AKNAD1: variants seen among roughly 807,000 people sequenced by gnomAD.
The protein encoded by AKNAD1 is protein AKNAD1.
AKNAD1 carries 67 observed loss-of-function variants against 90.8 expected under a neutral mutation model. The ratio of observed to expected loss-of-function variants is 0.74; its 90% CI spans 0.61 to 0.90. The LOEUF is 0.90. Ranked by LOEUF, AKNAD1 falls within the 40% of genes least tolerant of loss-of-function variation. The probability of loss-of-function intolerance (pLI) is 0.00; values close to 1 mark genes in which losing one functional copy is unlikely to be tolerated. For synonymous variants in AKNAD1, 327 were observed against 341.4 expected, an observed-to-expected ratio of 0.96 and a Z score of 0.46; for missense variants, 957 against 975.4, an observed-to-expected ratio of 0.98 and a Z score of 0.25.
chr1:108,847,146 G>A (rs1664725499), intron 5 of AKNAD1, among the ~76,000 whole-genome samples: 1 of 151,994 alleles, frequency 6.6e-6, no homozygotes, highest in Admixed American at 6.6e-5. Flanking sequence ...CCATTTGTCA[G>A]CTTGAAAACC....
chr1:108,840,217 CAATCAACTAAAA>C (rs1055545454), intron 6 of AKNAD1, among the ~76,000 whole-genome samples: 3 of 152,024 alleles, frequency 2.0e-5, no homozygotes, highest in East Asian at 1.9e-4. Flanking sequence ...AAAATTAAGA[CAATCAACTAAAA>C]AATCAACAAA....
chr1:108,850,288 C>A (rs1664811312), intron 2 of AKNAD1, among the ~76,000 whole-genome samples: 1 of 152,116 alleles, frequency 6.6e-6, no homozygotes, highest in Admixed American at 6.6e-5. Flanking sequence ...GGATATGAAA[C>A]CTGCAGTGTC....
At chr1:108,825,734 T>G (rs1191660878) in intron 11 of AKNAD1, among the ~76,000 whole-genome samples, 1 of 144,106 alleles carries the variant, frequency 6.9e-6, no homozygotes, top group Non-Finnish European at 1.5e-5. Flanking sequence ...TTCCCAAAAC[T>G]AAATGAGCAG....
At chr1:108,827,115 T>G in intron 11 of AKNAD1, 90 bp downstream of exon 11, 1 of 843,678 alleles carries the variant, frequency 1.2e-6, no homozygotes, top group Non-Finnish European at 2.0e-6. Context: ...GCTCTTGGAG[T>G]GGCAGATGGC....
chr1:108,835,857 C>T (rs1285310193), intron 7 of AKNAD1, among the ~76,000 whole-genome samples: 1 of 152,146 alleles, frequency 6.6e-6, no homozygotes, highest in Non-Finnish European at 1.5e-5. Context: ...AACTCCTGAC[C>T]TCGTGATCCG....
intron 2 of AKNAD1, among the ~76,000 whole-genome samples, chr1:108,850,975 AC>A (rs1190391418): frequency 6.6e-6 from 1 of 152,162 alleles, no homozygotes; most frequent in Non-Finnish European, 1.5e-5. Context: ...TACCAAGATA[AC>A]AAGCTTGAAA....
At chr1:108,833,428 C>A (rs371196112) in intron 9 of AKNAD1, among the ~76,000 whole-genome samples, 29 of 152,038 alleles carry the variant, frequency 1.9e-4, no homozygotes, top group African/African-American at 7.0e-4. Context: ...ACTAAAAATA[C>A]AAAAATTAGC....
rs374137162 is a variant in AKNAD1, at chr1:108,849,602, G to T, written c.994-26C>A. On this transcript the variant is annotated intron_variant, in intron 2 of 15. Coordinates refer to ENST00000370001, the MANE Select transcript of AKNAD1 (RefSeq NM_152763.5). The stretch of plus-strand genomic sequence containing the variant: ...CTGCACAATTAAAGGGTAAGAAAAC[G>T]TTACTGTCGATATTGATCAATGACA... The T allele has an allele frequency of 1.8e-4, 286 of 1,548,614 alleles. 3 individuals carry two copies. In the South Asian group the frequency reaches 3.0e-3, roughly 16 times the overall value.
chr1:108,849,118 T>C (rs969305711), intron 3 of AKNAD1, 58 bp from the exon 4 acceptor site: 2 of 1,445,324 alleles, frequency 1.4e-6, no homozygotes, highest in South Asian at 1.5e-5. Context: ...ACAGTTTTAT[T>C]AAGTACTGAA....
chr1:108,825,107 C>T (rs1223562647), intron 11 of AKNAD1, among the ~76,000 whole-genome samples: 1 of 151,510 alleles, frequency 6.6e-6, no homozygotes, highest in Non-Finnish European at 1.5e-5. Flanking sequence ...CCTGCCAATG[C>T]TCATGTGAGT....
intron 5 of AKNAD1, among the ~76,000 whole-genome samples, chr1:108,844,233 C>T (rs1223033004): frequency 1.3e-5 from 2 of 152,034 alleles, no homozygotes; most frequent in Non-Finnish European, 2.9e-5. Flanking sequence ...CATGGTGGTG[C>T]GTGCCTGTAA....
intron 8 of AKNAD1, among the ~76,000 whole-genome samples, 194 bp from the exon 9 acceptor site, chr1:108,834,722 C>T (rs80043780): frequency 0.016 from 2,388 of 152,162 alleles, 42 homozygotes; most frequent in African/African-American, 0.045. Flanking sequence ...CCAGCTGTCC[C>T]GTCCCTCAGA....
upstream of AKNAD1, chr1:108,857,341 T>G (rs186961375): frequency 6.5e-6 from 1 of 153,218 alleles, no homozygotes; most frequent in Admixed American, 6.5e-5. Flanking sequence ...GCTGAAGTGC[T>G]AGCCTAAGCT....
intron 9 of AKNAD1, 136 bp from the exon 10 acceptor site, chr1:108,830,786 C>A: frequency 1.3e-6 from 1 of 763,014 alleles, no homozygotes; most frequent in South Asian, 1.6e-5. Flanking sequence ...CAAACCTCTC[C>A]TCCAGTTGGG....
intron 6 of AKNAD1, among the ~76,000 whole-genome samples, chr1:108,840,983 C>T (rs1664534326): frequency 6.6e-6 from 1 of 151,998 alleles, no homozygotes; most frequent in South Asian, 2.1e-4. Flanking sequence ...CCAGCCTGGC[C>T]AACCCGGTGA....
At chr1:108,817,612 G>A (rs975187927) in intron 14 of AKNAD1, among the ~76,000 whole-genome samples, 1 of 142,990 alleles carries the variant, frequency 7.0e-6, no homozygotes, top group East Asian at 2.1e-4. Flanking sequence ...CGCCATTCTC[G>A]TGCCTCAGCC....
chr1:108,836,262 A>C (rs1570812301), intron 7 of AKNAD1, among the ~76,000 whole-genome samples: 1 of 152,234 alleles, frequency 6.6e-6, no homozygotes, highest in Non-Finnish European at 1.5e-5. Context: ...CAAGACTAGC[A>C]GGGCAGCCGC....
Position 108,849,586 on chromosome 1 carries a change from TA to T in AKNAD1, c.994-11del. On this transcript the variant is annotated splice_polypyrimidine_tract_variant and intron_variant, in intron 2 of 15. Coordinates refer to ENST00000370001, the MANE Select transcript of AKNAD1 (RefSeq NM_152763.5). Reference sequence around the variant, plus strand: ...GTACTATGGGCTCCATCTGCACAATTAAAGGGTAAGAAAACGTTACTGTCGA... The same window carrying T: ...GTACTATGGGCTCCATCTGCACAATTAAGGGTAAGAAAACGTTACTGTCGA... The T allele has an allele frequency of 6.3e-7, 1 of 1,588,802 alleles. No homozygotes were observed. The highest frequency in any genetic ancestry group is 8.6e-7 in the Non-Finnish European group (1 of 1,157,106).
chr1:108,850,321 A>G (rs911737945), intron 2 of AKNAD1, among the ~76,000 whole-genome samples: 1 of 151,494 alleles, frequency 6.6e-6, no homozygotes, highest in Non-Finnish European at 1.5e-5. Flanking sequence ...CTGAATTGAC[A>G]GAACTGGAAA....
Sources: gnomAD v4.1 joint callset for allele counts (sites outside exome capture counted in the v4.1 genomes callset) on GRCh38, gnomAD v4.1.1 for gene constraint, MANE v1.5 for transcripts, NCBI Gene and HGNC (gene_info 2026-07-23, HGNC 2026-07-21) for gene names.